NEDD4L: variants seen among roughly 807,000 people sequenced by gnomAD.
NEDD4L encodes NEDD4 like E3 ubiquitin protein ligase.
A neutral mutation model predicts 148.9 loss-of-function variants in NEDD4L; 54 were observed. The ratio of observed to expected loss-of-function variants is 0.36; its 90% CI spans 0.29 to 0.45. The LOEUF (loss-of-function observed/expected upper bound fraction) is 0.45, where lower values mean the gene tolerates loss of function less well. Among genes scored for constraint, NEDD4L ranks in the 20% least tolerant of loss-of-function variants. The pLI, the probability that NEDD4L is intolerant of heterozygous loss-of-function variation, is 1.00. For missense variants in NEDD4L, 856 were observed against 1,233.8 expected (o/e 0.69, Z 4.59); for synonymous variants, 433 against 440.7 (o/e 0.98, Z 0.22).
intron 1 of NEDD4L, among the ~76,000 whole-genome samples, chr18:58,096,169 C>G (rs2084379814): frequency 6.6e-6 from 1 of 151,852 alleles, no homozygotes; most frequent in Non-Finnish European, 1.5e-5. Context: ...GGCTCTTTTC[C>G]TTTATTATTT....
intron 24 of NEDD4L, among the ~76,000 whole-genome samples, chr18:58,379,622 A>G (rs1282843837): frequency 6.6e-6 from 1 of 152,188 alleles, no homozygotes; most frequent in East Asian, 1.9e-4. Context: ...CCAACCAGCA[A>G]GGACTCTGGG....
At position 58,316,049 on chromosome 18, in the gene NEDD4L, G is replaced by A. The variant is rs2058223646; in HGVS notation, c.348+17G>A. On this transcript the variant is annotated intron_variant, in intron 6 of 30. Coordinates refer to ENST00000400345, the MANE Select transcript of NEDD4L (RefSeq NM_001144967.3). Reference sequence around the variant, plus strand: ...CACCTTCCGGTAAGGACAGTCTCATGTTTGATGCTTCGTGCTGGGGGCGGG... The same window carrying A: ...CACCTTCCGGTAAGGACAGTCTCATATTTGATGCTTCGTGCTGGGGGCGGG... 1 of 1,607,078 alleles carries A rather than the reference G, an allele frequency of 6.2e-7. No individual in the cohort carries two copies. The highest frequency in any genetic ancestry group is 1.1e-5 in the South Asian group (1 of 90,884).
intron 1 of NEDD4L, among the ~76,000 whole-genome samples, chr18:58,164,174 C>T (rs918132469): frequency 4.7e-5 from 7 of 150,092 alleles, no homozygotes; most frequent in Non-Finnish European, 8.9e-5. Context: ...CCCTGCCTGA[C>T]ACTGGAGTCC....
At chr18:58,114,548 G>A (rs927263353) in intron 1 of NEDD4L, among the ~76,000 whole-genome samples, 1 of 152,232 alleles carries the variant, frequency 6.6e-6, no homozygotes, top group Non-Finnish European at 1.5e-5. Flanking sequence ...CAGAAGTCAT[G>A]CTGGAACGTG....
chr18:58,149,363 C>T, intron 1 of NEDD4L: 1 of 1,421,140 alleles, frequency 7.0e-7, no homozygotes, highest in Non-Finnish European at 9.2e-7. Flanking sequence ...ACCGTGTAGA[C>T]TGCTTTCCTG....
In NEDD4L at chr18:58,252,037, T is replaced by C. The variant is rs2048000562; in HGVS notation, c.280T>C (p.Phe94Leu). The C allele has an allele frequency of 6.3e-7, 1 of 1,596,186 alleles. No individual in the cohort carries two copies. Among genetic ancestry groups the C allele is most frequent in the African/African-American group, 1.3e-5 (1 of 74,588 alleles). The change falls in exon 5 of 31, where the codon TTT becomes CTT. Residue 94 changes from phenylalanine to leucine, a missense_variant. By Grantham distance (22) the Phe-to-Leu change is conservative. This residue lies in a region of NEDD4L where 193 missense variants were observed against 244.2 expected (regional missense o/e 0.79). Transcript: ENST00000400345. ...PSNHRLLFEV[F>L]DENRLTRDDF... Reference sequence around the variant, plus strand: ...TAATCACAGACTCCTATTTGAAGTATTTGACGAAAATAGACTGGTAAGTGG... The same window carrying C: ...TAATCACAGACTCCTATTTGAAGTACTTGACGAAAATAGACTGGTAAGTGG...
chr18:58,285,471 G>A (rs1482608656), intron 5 of NEDD4L, among the ~76,000 whole-genome samples: 2 of 152,126 alleles, frequency 1.3e-5, no homozygotes, highest in Admixed American at 6.5e-5. Context: ...TTGGATTACA[G>A]GCATGTGCTA....
intron 2 of NEDD4L, among the ~76,000 whole-genome samples, chr18:58,178,638 A>G (rs893380445): frequency 2.6e-5 from 4 of 152,244 alleles, no homozygotes; most frequent in Admixed American, 2.6e-4. Flanking sequence ...TAAATTATTA[A>G]AAGGATTGGC....
chr18:58,053,583 A>G (rs1352057802), intron 1 of NEDD4L, among the ~76,000 whole-genome samples: 1 of 152,204 alleles, frequency 6.6e-6, no homozygotes, highest in Non-Finnish European at 1.5e-5. Flanking sequence ...TGCTGGGATT[A>G]CAGGCATGAG....
chr18:58,186,779 C>T (rs2039529499), intron 2 of NEDD4L, among the ~76,000 whole-genome samples: 1 of 152,236 alleles, frequency 6.6e-6, no homozygotes, highest in South Asian at 2.1e-4. Context: ...CTCATGCTCA[C>T]TGCACGCCAG....
chr18:58,341,587 G>T, intron 14 of NEDD4L, 91 bp from the exon 15 acceptor site: 1 of 1,375,780 alleles, frequency 7.3e-7, no homozygotes, highest in African/African-American at 1.5e-5. Context: ...TCTTATTATT[G>T]CTGTTTGCGT....
chr18:58,339,938 A>G (rs762423031), intron 13 of NEDD4L, among the ~76,000 whole-genome samples: 3 of 152,156 alleles, frequency 2.0e-5, no homozygotes, highest in African/African-American at 4.8e-5. Context: ...TAGCAAGAAA[A>G]CGACAACTGC....
At chr18:58,392,997 G>C (rs1729182515) in intron 30 of NEDD4L, among the ~76,000 whole-genome samples, 1 of 152,174 alleles carries the variant, frequency 6.6e-6, no homozygotes, top group African/African-American at 2.4e-5. Context: ...CAGATTCCCA[G>C]ATCACAGGAT....
At chr18:58,225,718 T>G (rs1449000037) in intron 2 of NEDD4L, among the ~76,000 whole-genome samples, 3 of 152,172 alleles carry the variant, frequency 2.0e-5, no homozygotes, top group South Asian at 4.1e-4. Context: ...CATTATTAGG[T>G]CCGGAGCCAG....
At chr18:58,103,278 A>G (rs1452063669) in intron 1 of NEDD4L, among the ~76,000 whole-genome samples, 1 of 142,466 alleles carries the variant, frequency 7.0e-6, no homozygotes. Context: ...TTATAATTAT[A>G]TATAATATAT....
intron 2 of NEDD4L, among the ~76,000 whole-genome samples, chr18:58,181,743 G>T (rs2146986815): frequency 6.6e-6 from 1 of 152,226 alleles, no homozygotes; most frequent in East Asian, 1.9e-4. Flanking sequence ...ATAAATAGTT[G>T]CCTATATCCA....
chr18:58,099,444 TA>T lies in NEDD4L; in HGVS notation c.48+54738del, dbSNP rs1450649887. The stretch of plus-strand genomic sequence containing the variant: ...TAGTAATAAATACTAAACTATTTTT[TA>T]ATGGGAAAATAGGCAGGTTTGGGTT... On this transcript the variant is annotated intron_variant, in intron 1 of 30. Transcript: ENST00000400345. Among the ~76,000 whole-genome samples, 6 of 152,348 alleles carry T rather than the reference TA, an allele frequency of 3.9e-5. No individual in the cohort carries two copies. The South Asian group carries it at 8.3e-4, about 21-fold the overall frequency.
intron 1 of NEDD4L, among the ~76,000 whole-genome samples, chr18:58,084,671 T>TTGTGTATG (rs1555686020): frequency 2.2e-5 from 3 of 133,738 alleles, no homozygotes; most frequent in African/African-American, 5.6e-5. Context: ...TGTGGGGTTT[T>TTGTGTATG]TGTGTGTGTG....
At chr18:58,086,253 T>C (rs2083751897) in intron 1 of NEDD4L, among the ~76,000 whole-genome samples, 1 of 152,172 alleles carries the variant, frequency 6.6e-6, no homozygotes, top group Admixed American at 6.6e-5. Context: ...CTGTGTAAAA[T>C]GTCCTACCTG....
Sources: allele counts gnomAD v4.1 joint callset (sites outside exome capture counted in the v4.1 genomes callset), GRCh38; gene constraint gnomAD v4.1.1; regional missense constraint gnomAD v4.1.1; transcripts MANE v1.5; gene names NCBI Gene and HGNC (gene_info 2026-07-23, HGNC 2026-07-21).